The following SLC9C1 variants were observed in gnomAD, a reference collection of about 807,000 sequenced individuals.
SLC9C1 encodes the protein sodium/hydrogen exchanger 10.
A neutral mutation model predicts 140.9 loss-of-function variants in SLC9C1; 97 were observed. The observed-to-expected ratio is 0.69, with a 90% CI of 0.58 to 0.82. The LOEUF is 0.82. Among genes scored for constraint, SLC9C1 ranks in the 40% least tolerant of loss-of-function variants. SLC9C1 has a pLI of 0.00. For synonymous variants in SLC9C1, 440 were observed against 442.6 expected (o/e 0.99, Z 0.07); for missense variants, 1,340 against 1,389.3 (o/e 0.96, Z 0.56).
At chr3:112,289,074 C>T (rs114866146) in intron 1 of SLC9C1, among the ~76,000 whole-genome samples, 1,602 of 152,210 alleles carry the variant, frequency 0.011, 12 homozygotes, top group Non-Finnish European at 0.019. Context: ...CACTGTGATC[C>T]GCTCAATTCA....
intron 6 of SLC9C1, among the ~76,000 whole-genome samples, chr3:112,273,111 T>C (rs1030603869): frequency 6.6e-6 from 1 of 152,116 alleles, no homozygotes; most frequent in Non-Finnish European, 1.5e-5. Flanking sequence ...GCATGCACAA[T>C]TGTACTTCTT....
chr3:112,182,245 T>G lies in SLC9C1; in HGVS notation c.2537A>C (p.Lys846Thr). 3.1e-6 allele frequency: 5 copies of G among 1,599,578 alleles called. No individual in the cohort carries two copies. Among genetic ancestry groups the G allele is most frequent in the Non-Finnish European group, 4.3e-6 (5 of 1,174,528 alleles). The change falls in exon 21 of 29, where the codon AAA becomes ACA. Residue 846 changes from lysine to threonine, a missense_variant. Transcript: ENST00000305815. ...GAGINKLIMA[K>T]KKEVLDSQSI... ...TTGAGAATCAAGCACCTCTTTCTTT[T>G]TGGCCATGATTAACTAAAACATAAA...
chr3:112,209,619 T>C (rs1257453182), intron 15 of SLC9C1, among the ~76,000 whole-genome samples: 1 of 152,054 alleles, frequency 6.6e-6, no homozygotes, highest in Non-Finnish European at 1.5e-5. Context: ...AAAAATCAAC[T>C]AGAGCTAATA....
intron 11 of SLC9C1, among the ~76,000 whole-genome samples, chr3:112,241,403 A>G (rs567497871): frequency 8.5e-5 from 13 of 152,308 alleles, no homozygotes; most frequent in South Asian, 2.1e-4. Context: ...GAGGTGAAAG[A>G]TCTCTACAAG....
intron 10 of SLC9C1, among the ~76,000 whole-genome samples, chr3:112,261,862 C>T (rs932196553): frequency 2.0e-5 from 3 of 152,024 alleles, no homozygotes; most frequent in Non-Finnish European, 4.4e-5. Context: ...CTGGCTCTTA[C>T]TAGCTCATGA....
chr3:112,231,565 G>A, intron 12 of SLC9C1, 79 bp from the exon 13 acceptor site: 4 of 1,399,316 alleles, frequency 2.9e-6, no homozygotes, highest in African/African-American at 1.5e-5. Context: ...AGCAATTTTT[G>A]TACCAGTTTG....
chr3:112,273,932 A>G (rs781225134), intron 6 of SLC9C1, among the ~76,000 whole-genome samples: 2 of 152,210 alleles, frequency 1.3e-5, no homozygotes, highest in Admixed American at 6.5e-5. Flanking sequence ...ACAATGCTAC[A>G]TAAGACCTTA....
intron 20 of SLC9C1, among the ~76,000 whole-genome samples, chr3:112,189,788 A>T (rs2077614680): frequency 6.6e-6 from 1 of 152,128 alleles, no homozygotes; most frequent in Admixed American, 6.5e-5. Flanking sequence ...TGGTAGCTTG[A>T]TGGGCATGGT....
intron 22 of SLC9C1, among the ~76,000 whole-genome samples, chr3:112,180,091 CTG>C (rs2077410639): frequency 6.6e-6 from 1 of 152,134 alleles, no homozygotes; most frequent in Non-Finnish European, 1.5e-5. Flanking sequence ...TCCATTGTGT[CTG>C]AACATGAAAA....
intron 14 of SLC9C1, among the ~76,000 whole-genome samples, chr3:112,218,377 C>T (rs1303097473): frequency 1.3e-5 from 2 of 151,894 alleles, no homozygotes; most frequent in Non-Finnish European, 2.9e-5. Context: ...CATTGGAAAC[C>T]CAAGTTCAAA....
At chr3:112,203,374 A>G (rs1443135497) in intron 17 of SLC9C1, among the ~76,000 whole-genome samples, 1 of 151,998 alleles carries the variant, frequency 6.6e-6, no homozygotes, top group African/African-American at 2.4e-5. Flanking sequence ...TTCCTCAGGT[A>G]AATTGTACTC....
intron 27 of SLC9C1, 40 bp from the exon 28 acceptor site, chr3:112,152,003 G>T: frequency 1.3e-6 from 2 of 1,509,374 alleles, no homozygotes. Flanking sequence ...GTCATGATAG[G>T]CCTTTTGAAG....
intron 23 of SLC9C1, among the ~76,000 whole-genome samples, chr3:112,175,175 T>G (rs2077312643): frequency 6.6e-6 from 1 of 152,134 alleles, no homozygotes; most frequent in African/African-American, 2.4e-5. Flanking sequence ...TAGCTCCATG[T>G]AATAGTCTGG....
At position 112,269,921 on chromosome 3, in the gene SLC9C1, TAAAAGATGAGATACAGAATTG is replaced by T. The variant is rs769291361; in HGVS notation, c.749_769del (p.Ser250_Phe256del). ...GGCATAGGCCCCTCACTTACAAATATAAAAGATGAGATACAGAATTGAAAAGATGAGACTTATATGATTGAC... is the reference window on the plus strand; with the variant it reads ...GGCATAGGCCCCTCACTTACAAATATAAAAGATGAGACTTATATGATTGAC... On this transcript the variant is annotated inframe_deletion, in exon 7 of 29. Transcript: ENST00000305815. 7 of 1,528,550 alleles carry T rather than the reference TAAAAGATGAGATACAGAATTG, an allele frequency of 4.6e-6. No individual in the cohort carries two copies. Among genetic ancestry groups the T allele is most frequent in the Non-Finnish European group, 6.1e-6 (7 of 1,143,366 alleles). The allele number at this position is 1,528,550 out of a possible 1,614,324, so 94.7% of individuals were successfully genotyped here.
intron 26 of SLC9C1, among the ~76,000 whole-genome samples, chr3:112,159,382 C>T (rs962125454): frequency 6.6e-6 from 1 of 151,644 alleles, no homozygotes; most frequent in Non-Finnish European, 1.5e-5. Flanking sequence ...ATAGTTCCTC[C>T]TCTGATTGAT....
chr3:112,292,630 G>C (rs1014585288), intron 1 of SLC9C1, among the ~76,000 whole-genome samples: 2 of 151,936 alleles, frequency 1.3e-5, no homozygotes, highest in African/African-American at 2.4e-5. Context: ...TGCAAGCTCT[G>C]CCTCCCGGGT....
At chr3:112,196,328 G>A (rs1430758099) in intron 20 of SLC9C1, among the ~76,000 whole-genome samples, 2 of 151,788 alleles carry the variant, frequency 1.3e-5, no homozygotes, top group Non-Finnish European at 2.9e-5. Flanking sequence ...ACTTCTTTTT[G>A]TCTTTTAACA....
intron 23 of SLC9C1, 145 bp downstream of exon 23, chr3:112,179,386 C>T (rs561883047): frequency 1.6e-4 from 136 of 847,864 alleles, no homozygotes; most frequent in Middle Eastern, 1.1e-3. Flanking sequence ...GAGTGTAATT[C>T]GGCAAGTTTT....
chr3:112,210,478 T>C lies in SLC9C1; in HGVS notation c.1791-2105A>G, dbSNP rs749969805. Among the ~76,000 whole-genome samples, 50 of 152,298 alleles carry C rather than the reference T, an allele frequency of 3.3e-4. 1 individual carries two copies. Among genetic ancestry groups the C allele is most frequent in the Admixed American group, 6.5e-4 (10 of 15,304 alleles). Reference sequence around the variant, plus strand: ...GTGATGATTTCATTTATGTGAAACATTTGAAATAAGTAAATTCACAGGGAC... The same window carrying C: ...GTGATGATTTCATTTATGTGAAACACTTGAAATAAGTAAATTCACAGGGAC... On this transcript the variant is annotated intron_variant, in intron 15 of 28. Coordinates refer to ENST00000305815, the MANE Select transcript of SLC9C1 (RefSeq NM_183061.3).
Sources: allele counts gnomAD v4.1 joint callset (sites outside exome capture counted in the v4.1 genomes callset), GRCh38; gene constraint gnomAD v4.1.1; transcripts MANE v1.5; gene names NCBI Gene and HGNC (gene_info 2026-07-23, HGNC 2026-07-21).